CNN3: variants seen among roughly 807,000 people sequenced by gnomAD.
CNN3 encodes calponin-3.
CNN3 carries 11 observed loss-of-function variants against 39.0 expected under a neutral mutation model. The observed-to-expected ratio is 0.28, with a 90% CI of 0.18 to 0.47. The LOEUF is 0.47. CNN3 is among the 20% of genes least tolerant of loss of function. The pLI, the probability that CNN3 is intolerant of heterozygous loss-of-function variation, is 0.99. For synonymous variants in CNN3, 101 were observed against 138.3 expected, an observed-to-expected ratio of 0.73 and a Z score of 1.89; for missense variants, 266 against 403.4, an observed-to-expected ratio of 0.66 and a Z score of 2.92.
intron 1 of CNN3, among the ~76,000 whole-genome samples, chr1:94,910,398 T>C (rs1213713097): frequency 3.3e-5 from 5 of 152,082 alleles, no homozygotes; most frequent in African/African-American, 1.2e-4. Flanking sequence ...TAAAATAGGG[T>C]GTTTAAAATA....
At chr1:94,898,124 G>T in intron 6 of CNN3, 41 bp from the exon 7 acceptor site, 1 of 1,520,840 alleles carries the variant, frequency 6.6e-7, no homozygotes, top group Non-Finnish European at 9.0e-7. Flanking sequence ...ACAGCAGCTA[G>T]AATCTATTCT....
chr1:94,920,863 G>A (rs562291176), intron 1 of CNN3, among the ~76,000 whole-genome samples: 5 of 152,072 alleles, frequency 3.3e-5, no homozygotes, highest in South Asian at 4.2e-4. Context: ...TATAAACTTC[G>A]TCCCCACAAA....
At position 94,927,100 on chromosome 1, in the gene CNN3, A is replaced by G. The variant is rs1342350297; in HGVS notation, c.-206T>C. 4 of 493,992 alleles carry G rather than the reference A, an allele frequency of 8.1e-6. No individual in the cohort carries two copies. Among genetic ancestry groups the G allele is most frequent in the East Asian group, 3.6e-5 (1 of 27,900 alleles). The allele number at this position is 493,992 out of a possible 1,614,324, so 30.6% of individuals were successfully genotyped here. On this transcript the variant is annotated 5_prime_UTR_variant, in exon 1 of 7. Coordinates refer to ENST00000370206, the MANE Select transcript of CNN3 (RefSeq NM_001839.5). ...TACAGAGCCTCGAGCTCCGCTGCGA[A>G]GCACCCGGCTGCCTCGCTCGCCGCC...
At chr1:94,913,031 T>G (rs185699436) in intron 1 of CNN3, among the ~76,000 whole-genome samples, 6 of 152,312 alleles carry the variant, frequency 3.9e-5, no homozygotes, top group Admixed American at 3.9e-4. Flanking sequence ...CATTAATGAC[T>G]TGGAAACTAC....
intron 1 of CNN3, among the ~76,000 whole-genome samples, chr1:94,907,792 G>A (rs969986677): frequency 8.5e-5 from 13 of 152,304 alleles, no homozygotes; most frequent in East Asian, 5.8e-4. Flanking sequence ...CCCGGGAGGC[G>A]GGGCTTGCAG....
At chr1:94,902,085 GA>G (rs1168121496) in intron 4 of CNN3, 35 bp downstream of exon 4, 2 of 1,566,782 alleles carry the variant, frequency 1.3e-6, no homozygotes, top group African/African-American at 2.7e-5. Flanking sequence ...AATGTGGTGG[GA>G]ATCTGTTAAC....
intron 5 of CNN3, among the ~76,000 whole-genome samples, chr1:94,901,438 A>C (rs533526035): frequency 6.6e-6 from 1 of 151,862 alleles, no homozygotes; most frequent in South Asian, 2.1e-4. Context: ...TCAATTAAAA[A>C]TTTTCGTTTC....
chr1:94,921,227 T>A (rs1469067519), intron 1 of CNN3, among the ~76,000 whole-genome samples: 1 of 152,138 alleles, frequency 6.6e-6, no homozygotes, highest in Non-Finnish European at 1.5e-5. Context: ...AAACTCCAAC[T>A]CTACTAAGAA....
chr1:94,915,516 A>C (rs1671259064), intron 1 of CNN3, among the ~76,000 whole-genome samples: 3 of 152,238 alleles, frequency 2.0e-5, no homozygotes, highest in African/African-American at 7.2e-5. Flanking sequence ...ATTGTAATGC[A>C]ATCTGAGAGC....
intron 1 of CNN3, among the ~76,000 whole-genome samples, chr1:94,923,208 C>T (rs1671492813): frequency 6.6e-6 from 1 of 152,162 alleles, no homozygotes; most frequent in African/African-American, 2.4e-5. Context: ...CCTTGAGTAC[C>T]TGTTATGTTT....
rs1286263186 is a variant in CNN3, at chr1:94,903,128, C to T, written c.240G>A (p.Trp80Ter). The T allele has an allele frequency of 6.3e-7, 1 of 1,598,406 alleles. No individual in the cohort carries two copies. The highest frequency in any genetic ancestry group is 1.3e-5 in the African/African-American group (1 of 74,152). Residue 80 changes from tryptophan (W) to a stop codon, truncating the protein, a stop_gained, in exon 3 of 7, where the codon TGG becomes TGA. Transcript: ENST00000370206. LOFTEE classifies it high-confidence loss of function. ...VKKVNESSLN[W>*]PQLENIGNFI... ...TGGTTGGTTTGGCTGTTACCTGAGG[C>T]CAGTTCAGTGAGGACTCGTTGACCT...
intron 1 of CNN3, among the ~76,000 whole-genome samples, chr1:94,921,216 G>C (rs1671433066): frequency 6.6e-6 from 1 of 152,158 alleles, no homozygotes; most frequent in African/African-American, 2.4e-5. Flanking sequence ...CCAACATGGT[G>C]AAACTCCAAC....
chr1:94,900,054 A>G (rs983440160), intron 5 of CNN3, among the ~76,000 whole-genome samples: 1 of 152,184 alleles, frequency 6.6e-6, no homozygotes, highest in Non-Finnish European at 1.5e-5. Context: ...ACAGAGCTGG[A>G]GAAAGGTGGA....
intron 1 of CNN3, among the ~76,000 whole-genome samples, chr1:94,915,882 TC>T (rs1327722526): frequency 2.6e-5 from 4 of 152,142 alleles, no homozygotes; most frequent in Non-Finnish European, 5.9e-5. Flanking sequence ...AAAGAGGACT[TC>T]TCCACATCAG....
At chr1:94,901,553 C>T in intron 5 of CNN3, 116 bp downstream of exon 5, 1 of 19,098 alleles carries the variant, frequency 5.2e-5, no homozygotes, top group Admixed American at 5.0e-4. Flanking sequence ...ATAAACTACA[C>T]CCCCCCCCCA....
At chr1:94,919,069 A>G (rs898865023) in intron 1 of CNN3, among the ~76,000 whole-genome samples, 3 of 152,190 alleles carry the variant, frequency 2.0e-5, no homozygotes, top group Non-Finnish European at 4.4e-5. Flanking sequence ...AAGGGGGGGA[A>G]GCTCAGAGAT....
At chr1:94,901,145 G>A (rs574175067) in intron 5 of CNN3, among the ~76,000 whole-genome samples, 38 of 152,172 alleles carry the variant, frequency 2.5e-4, no homozygotes, top group Middle Eastern at 6.8e-3. Flanking sequence ...CCTGAGGTCA[G>A]GAGTTCAAGA....
chr1:94,922,853 G>A (rs1289897274), intron 1 of CNN3, among the ~76,000 whole-genome samples: 1 of 152,174 alleles, frequency 6.6e-6, no homozygotes, highest in Non-Finnish European at 1.5e-5. Context: ...AAGGTTTTTA[G>A]GTGTTGAGAA....
At chr1:94,901,564 G>A (rs1670869566) in intron 5 of CNN3, 105 bp downstream of exon 5, 2 of 712,666 alleles carry the variant, frequency 2.8e-6, no homozygotes, top group East Asian at 5.4e-5. Flanking sequence ...CCCCCCCCCA[G>A]TACTATAGTA....
Sources: gnomAD v4.1 joint callset for allele counts (sites outside exome capture counted in the v4.1 genomes callset) on GRCh38, gnomAD v4.1.1 for gene constraint, MANE v1.5 for transcripts, NCBI Gene and HGNC (gene_info 2026-07-23, HGNC 2026-07-21) for gene names.